The following WFS1 variants were observed in gnomAD, a reference collection of about 807,000 sequenced individuals.
The protein encoded by WFS1 is wolframin.
Under a neutral mutation model 68.5 loss-of-function variants are expected in WFS1, and 90 were observed. The observed-to-expected ratio is 1.31, with a 90% CI of 1.11 to 1.56. The LOEUF (loss-of-function observed/expected upper bound fraction) is 1.56, where lower values mean the gene tolerates loss of function less well. Ranked by LOEUF, WFS1 falls within the 40% of genes most tolerant of loss-of-function variation. The pLI is 0.00. For missense variants in WFS1, 1,767 were observed against 1,232.6 expected, an observed-to-expected ratio of 1.43 and a Z score of -6.49; for synonymous variants, 860 against 540.7, an observed-to-expected ratio of 1.59 and a Z score of -8.19.
At chr4:6,291,778 G>T in intron 5 of WFS1, 139 bp from the exon 6 acceptor site, 1 of 911,096 alleles carries the variant, frequency 1.1e-6, no homozygotes, top group South Asian at 1.5e-5. Context: ...TGCCTGCCCT[G>T]GGGGCCCTAT....
At chr4:6,286,523 T>C (rs1730311926) in intron 2 of WFS1, among the ~76,000 whole-genome samples, 1 of 152,200 alleles carries the variant, frequency 6.6e-6, no homozygotes, top group East Asian at 1.9e-4. Flanking sequence ...GGTATTAATA[T>C]TTTTGTTATA....
intron 3 of WFS1, 119 bp from the exon 4 acceptor site, chr4:6,288,868 G>A (rs1730384314): frequency 1.6e-5 from 23 of 1,467,758 alleles, no homozygotes; most frequent in African/African-American, 4.2e-5. Context: ...CCCCATTTCT[G>A]CCCCTTCCTT....
At chr4:6,277,222 T>C (rs1730018731) in intron 1 of WFS1, among the ~76,000 whole-genome samples, 1 of 152,220 alleles carries the variant, frequency 6.6e-6, no homozygotes, top group Non-Finnish European at 1.5e-5. Context: ...GGTCTGAGAT[T>C]GTAAGTGCCA....
intron 7 of WFS1, among the ~76,000 whole-genome samples, chr4:6,298,326 C>T (rs993401834): frequency 6.6e-6 from 1 of 152,222 alleles, no homozygotes; most frequent in Non-Finnish European, 1.5e-5. Context: ...TTCATAAATG[C>T]CCTCTGGCTC....
In WFS1 at chr4:6,295,022, G is replaced by A. The variant is rs776845938; in HGVS notation, c.713-19G>A. Reference sequence around the variant, plus strand: ...GGCTGCAGTGTGGGGCGCCCATGCTGTTTTCTCTCATGCTTCAGCCAAGAA... The same window carrying A: ...GGCTGCAGTGTGGGGCGCCCATGCTATTTTCTCTCATGCTTCAGCCAAGAA... On this transcript the variant is annotated intron_variant, in intron 6 of 7. Transcript: ENST00000226760. 1.9e-6 allele frequency: 3 copies of A among 1,613,074 alleles called. No homozygotes were observed. Among genetic ancestry groups the A allele is most frequent in the South Asian group, 1.1e-5 (1 of 91,076 alleles).
chr4:6,272,900 G>A (rs567915967), intron 1 of WFS1, among the ~76,000 whole-genome samples: 1 of 152,220 alleles, frequency 6.6e-6, no homozygotes, highest in Non-Finnish European at 1.5e-5. Context: ...TTTACCAGCT[G>A]TACAGCGTTG....
At chr4:6,297,774 T>C (rs1406911036) in intron 7 of WFS1, among the ~76,000 whole-genome samples, 1 of 152,050 alleles carries the variant, frequency 6.6e-6, no homozygotes, top group East Asian at 1.9e-4. Flanking sequence ...ATCTCAGGAG[T>C]TGAATTTGTT....
chr4:6,289,180 G>A, intron 4 of WFS1, 49 bp downstream of exon 4: 3 of 1,533,440 alleles, frequency 2.0e-6, no homozygotes, highest in Non-Finnish European at 2.6e-6. Context: ...TGAGCAGCTT[G>A]TAATGCTGCT....
chr4:6,297,580 G>A (rs147218004), intron 7 of WFS1, among the ~76,000 whole-genome samples: 104 of 152,290 alleles, frequency 6.8e-4, no homozygotes, highest in Non-Finnish European at 1.1e-3. Context: ...GCAGAATCTC[G>A]TCTCGGCTCC....
chr4:6,297,766 C>T (rs765249208), intron 7 of WFS1, among the ~76,000 whole-genome samples: 29 of 152,170 alleles, frequency 1.9e-4, no homozygotes, highest in Non-Finnish European at 3.2e-4. Flanking sequence ...CTTTTTCCAT[C>T]TCAGGAGTTG....
intron 7 of WFS1, among the ~76,000 whole-genome samples, chr4:6,297,905 C>T (rs533380226): frequency 1.3e-4 from 20 of 152,238 alleles, no homozygotes; most frequent in African/African-American, 3.4e-4. Flanking sequence ...CCCTGGTCAT[C>T]GAGTTCAGGT....
chr4:6,301,471 C>CCTCCATCGG lies in WFS1; in HGVS notation c.1679_1687dup (p.Ser560_Gly562dup). The CCTCCATCGG allele has an allele frequency of 6.2e-7, 1 of 1,612,922 alleles. No individual in the cohort carries two copies. The highest frequency in any genetic ancestry group is 8.5e-7 in the Non-Finnish European group (1 of 1,180,040). ...TCCACCGGCCTGGGGCTGCTCCGCGCCTCCATCGGCTACTTCCTCTTCCTC... is the reference window on the plus strand; with the variant it reads ...TCCACCGGCCTGGGGCTGCTCCGCGCCTCCATCGGCTCCATCGGCTACTTCCTCTTCCTC... On this transcript the variant is annotated inframe_insertion, in exon 8 of 8. Coordinates refer to ENST00000226760, the MANE Select transcript of WFS1 (RefSeq NM_006005.3).
At chr4:6,274,701 G>A (rs907407862) in intron 1 of WFS1, among the ~76,000 whole-genome samples, 5 of 152,074 alleles carry the variant, frequency 3.3e-5, no homozygotes, top group African/African-American at 9.7e-5. Flanking sequence ...GCTGGGGGAG[G>A]GGGGTAAGAA....
rs780296831 is a variant in WFS1, at chr4:6,302,018, C to A, written c.2223C>A (p.Ala741=). The A allele has an allele frequency of 8.1e-6, 13 of 1,612,810 alleles. No individual in the cohort carries two copies. Among genetic ancestry groups the A allele is most frequent in the Non-Finnish European group, 1.1e-5 (13 of 1,179,934 alleles). ...MRCLYGEAYP[A]CSPGNTSTAE... ...GCCTCTACGGCGAGGCCTACCCTGC[C>A]TGCAGCCCTGGCAACACCTCCACGG... Residue 741 remains alanine (A), a synonymous_variant, in exon 8 of 8, where the codon GCC becomes GCA. Transcript: ENST00000226760.
rs564229948 is a variant in WFS1, at chr4:6,302,785, G to C, written c.*317G>C. 2.3e-5 allele frequency: 11 copies of C among 471,080 alleles called. No individual in the cohort carries two copies. The East Asian group carries it at 4.1e-4, about 18-fold the overall frequency. The allele number at this position is 471,080 out of a possible 1,614,324, so 29.2% of individuals were successfully genotyped here. ...GTCTGGAAAAGCACTTTACAGATGA[G>C]ATTCCCTCTCCTCCCCCACCTTCAA... On this transcript the variant is annotated 3_prime_UTR_variant, in exon 8 of 8. Transcript: ENST00000226760.
At chr4:6,300,445 C>T (rs2063016809) in intron 7 of WFS1, among the ~76,000 whole-genome samples, 1 of 151,946 alleles carries the variant, frequency 6.6e-6, no homozygotes, top group Non-Finnish European at 1.5e-5. Flanking sequence ...GGGCTCCAGG[C>T]CCAGAAGAGG....
Position 6,301,144 on chromosome 4 carries a change from AT to A in WFS1, c.1350del (p.His450GlnfsTer27). ...ACCAGCTACCTGAGCCTGAGCACCCATGCAGAGCCCTACACGCGCAGGGCCC... is the reference window on the plus strand; with the variant it reads ...ACCAGCTACCTGAGCCTGAGCACCCAGCAGAGCCCTACACGCGCAGGGCCC... ...TVTSYLSLST[H>X]AEPYTRRALA... On this transcript the variant is annotated frameshift_variant, in exon 8 of 8. Transcript: ENST00000226760. LOFTEE classifies it high-confidence loss of function. The A allele has an allele frequency of 6.2e-7, 1 of 1,613,126 alleles. No homozygotes were observed. Among genetic ancestry groups the A allele is most frequent in the East Asian group, 2.2e-5 (1 of 44,836 alleles).
chr4:6,292,018 G>A (rs779116187), intron 6 of WFS1, 21 bp downstream of exon 6: 26 of 1,590,426 alleles, frequency 1.6e-5, no homozygotes, highest in Admixed American at 7.0e-5. Flanking sequence ...CCCCTGCCCC[G>A]TCTCACCCAT....
At chr4:6,286,829 C>T (rs1730322759) in intron 2 of WFS1, among the ~76,000 whole-genome samples, 1 of 152,302 alleles carries the variant, frequency 6.6e-6, no homozygotes. Context: ...TGCCTCCCAC[C>T]CCGAGCGCTT....
Sources: gnomAD v4.1 joint callset for allele counts (sites outside exome capture counted in the v4.1 genomes callset) on GRCh38, gnomAD v4.1.1 for gene constraint, MANE v1.5 for transcripts, NCBI Gene and HGNC (gene_info 2026-07-23, HGNC 2026-07-21) for gene names.